Variants in NSD2 observed in about 807,000 individuals in gnomAD.
NSD2 encodes the protein histone-lysine N-methyltransferase NSD2.
Under a neutral mutation model 139.0 loss-of-function variants are expected in NSD2, and 12 were observed. That is an observed-to-expected ratio of 0.09 (90% CI 0.06 to 0.14). The LOEUF is 0.14. Ranked by LOEUF, NSD2 falls within the 10% of genes least tolerant of loss-of-function variation. NSD2 has a pLI of 1.00. For synonymous variants in NSD2, 669 were observed against 648.7 expected, an observed-to-expected ratio of 1.03 and a Z score of -0.48; for missense variants, 1,155 against 1,745.0, an observed-to-expected ratio of 0.66 and a Z score of 6.02.
Position 1,956,299 on chromosome 4 carries a change from A to G in NSD2, c.2881+111A>G. On this transcript the variant is annotated intron_variant, in intron 15 of 21. Coordinates refer to ENST00000508803, the MANE Select transcript of NSD2 (RefSeq NM_001042424.3). The surrounding 1 kb of genome is among the most constrained non-coding windows in gnomAD (Gnocchi z 5.3). ...ATAGAAAATACTGGACTAAGCATTC[A>G]ATCTGTTTTTTTAAATTAGGAAAAT... 3.1e-6 allele frequency: 3 copies of G among 969,092 alleles called. No individual in the cohort carries two copies. The highest frequency in any genetic ancestry group is 4.3e-6 in the Non-Finnish European group (3 of 693,856). The allele number at this position is 969,092 out of a possible 1,614,324, so 60.0% of individuals were successfully genotyped here.
chr4:1,970,564 G>GGGTGGGAGGAGCAGTGGGA (rs1726351455), intron 18 of NSD2, among the ~76,000 whole-genome samples: 1 of 152,156 alleles, frequency 6.6e-6, no homozygotes, highest in South Asian at 2.1e-4. Flanking sequence ...CCCACCAGAA[G>GGGTGGGAGGAGCAGTGGGA]GGGCAGTGGG....
chr4:1,976,426 C>A lies in NSD2; in HGVS notation c.3622-49C>A. ...GCTCGCTCTTCTGCCCTATTTGCTTCAGCCTGTGTAATTCTTTCCGGTGAT... is the reference window on the plus strand; with the variant it reads ...GCTCGCTCTTCTGCCCTATTTGCTTAAGCCTGTGTAATTCTTTCCGGTGAT... On this transcript the variant is annotated intron_variant, in intron 20 of 21. Transcript: ENST00000508803. This position sits in a 1 kb window ranked among gnomAD's most constrained non-coding sequence, Gnocchi z 5.3. The A allele has an allele frequency of 6.3e-7, 1 of 1,584,062 alleles. No homozygotes were observed.
chr4:1,978,559 T>G (rs1401377162), intron 21 of NSD2, 79 bp from the exon 22 acceptor site: 43 of 1,533,776 alleles, frequency 2.8e-5, no homozygotes, highest in Admixed American at 5.5e-5. Context: ...CTGACAGTTG[T>G]AAGTCATCTT....
chr4:1,969,887 T>A (rs561702592), intron 18 of NSD2, among the ~76,000 whole-genome samples: 125 of 152,274 alleles, frequency 8.2e-4, no homozygotes, highest in African/African-American at 2.9e-3. Flanking sequence ...TGGGAACTTG[T>A]AGAACTCAGG....
At chr4:1,889,600 C>A (rs1715376982) in intron 1 of NSD2, among the ~76,000 whole-genome samples, 1 of 151,752 alleles carries the variant, frequency 6.6e-6, no homozygotes, top group Non-Finnish European at 1.5e-5. Flanking sequence ...CTCCTGAGTT[C>A]AAGCGATTCT....
chr4:1,970,386 A>G (rs1182656968), intron 18 of NSD2, among the ~76,000 whole-genome samples: 7 of 152,212 alleles, frequency 4.6e-5, no homozygotes, highest in Non-Finnish European at 1.0e-4. Context: ...ACAGAGATGC[A>G]GGTTGGAGCA....
intron 3 of NSD2, among the ~76,000 whole-genome samples, chr4:1,911,646 A>T (rs565655174): frequency 1.3e-5 from 2 of 149,710 alleles, no homozygotes; most frequent in Non-Finnish European, 3.0e-5. Flanking sequence ...ATAGGAAGGG[A>T]GGATTACTAA....
In NSD2 at chr4:1,942,514, T is replaced by A; in HGVS notation, c.1881+2736T>A. 6.8e-7 allele frequency: 1 copy of A among 1,468,794 alleles called. No homozygotes were observed. The highest frequency in any genetic ancestry group is 9.0e-7 in the Non-Finnish European group (1 of 1,107,712). 91.0% of individuals were successfully genotyped at this position (1,468,794 alleles called of 1,614,324 possible). ...ATGTGTGATAATCTGTTTTTACTGG[T>A]ATTAATAAACACATACAATGAAGAA... On this transcript the variant is annotated intron_variant, in intron 9 of 21. Transcript: ENST00000508803. The surrounding 1 kb of genome is among the most constrained non-coding windows in gnomAD (Gnocchi z 4.0).
At chr4:1,930,811 T>C in intron 6 of NSD2, 41 bp downstream of exon 6, 1 of 1,580,564 alleles carries the variant, frequency 6.3e-7, no homozygotes, top group Non-Finnish European at 8.6e-7. Context: ...CTTGGGTTGA[T>C]GTGTGTAGTG....
chr4:1,948,401 C>T lies in NSD2; in HGVS notation c.1882-2671C>T. The stretch of plus-strand genomic sequence containing the variant: ...CCACAAATGGCTTCTCCGAGTGAGT[C>T]ACGTCACCTGGTGCGTGGAGGTGGA... On this transcript the variant is annotated intron_variant, in intron 9 of 21. Transcript: ENST00000508803. This position sits in a 1 kb window ranked among gnomAD's most constrained non-coding sequence, Gnocchi z 4.5. 2.8e-6 allele frequency: 3 copies of T among 1,066,364 alleles called. No homozygotes were observed. The highest frequency in any genetic ancestry group is 2.3e-6 in the Non-Finnish European group (2 of 879,012). The allele number at this position is 1,066,364 out of a possible 1,614,324, so 66.1% of individuals were successfully genotyped here.
intron 3 of NSD2, among the ~76,000 whole-genome samples, chr4:1,913,760 A>G (rs140638887): frequency 1.3e-3 from 199 of 151,862 alleles, no homozygotes; most frequent in Non-Finnish European, 2.4e-3. Flanking sequence ...ATTCAGGGCC[A>G]CTACCAGTCT....
At chr4:1,913,358 A>G (rs1355365912) in intron 3 of NSD2, among the ~76,000 whole-genome samples, 1 of 152,174 alleles carries the variant, frequency 6.6e-6, no homozygotes, top group Non-Finnish European at 1.5e-5. Context: ...GGAGTTAGAG[A>G]AGACTCTGCT....
At chr4:1,975,043 T>G in intron 19 of NSD2, 39 bp downstream of exon 19, 2 of 1,613,118 alleles carry the variant, frequency 1.2e-6, no homozygotes, top group Non-Finnish European at 1.7e-6. Flanking sequence ...CTCCTGGCTA[T>G]GGGGGCAGAG....
chr4:1,945,955 A>G lies in NSD2; in HGVS notation c.1882-5117A>G, dbSNP rs1169993755. ...CCTTTTAAATTTTTAATTAATTTCA[A>G]AGCTTCCTCTGGCCAGGTAGACTTT... On this transcript the variant is annotated intron_variant, in intron 9 of 21. Transcript: ENST00000508803. 19 of 1,053,008 alleles carry G rather than the reference A, an allele frequency of 1.8e-5. No homozygotes were observed. The East Asian group carries it at 6.5e-4, about 36-fold the overall frequency. 65.2% of individuals were successfully genotyped at this position (1,053,008 alleles called of 1,614,324 possible).
intron 17 of NSD2, 96 bp downstream of exon 17, chr4:1,959,836 G>C: frequency 6.6e-7 from 1 of 1,511,660 alleles, no homozygotes; most frequent in East Asian, 2.3e-5. Context: ...AGTCATGTGA[G>C]AATGGTATTT....
At chr4:1,918,753 A>G in intron 5 of NSD2, 130 bp downstream of exon 5, 2 of 1,275,144 alleles carry the variant, frequency 1.6e-6, no homozygotes, top group Non-Finnish European at 1.1e-6. Context: ...TTTAGATCTA[A>G]TAAATAAGTA....
chr4:1,935,833 C>T (rs1366133993), intron 7 of NSD2, among the ~76,000 whole-genome samples: 24 of 152,066 alleles, frequency 1.6e-4, no homozygotes, highest in Admixed American at 1.6e-3. Context: ...TGCACTCCAG[C>T]CTGGGCGACA....
chr4:1,981,532 G>A lies in NSD2; in HGVS notation c.*2623G>A, dbSNP rs1249807606. On this transcript the variant is annotated 3_prime_UTR_variant, in exon 22 of 22. Transcript: ENST00000508803. ...TCTGCACCTAAACCCATACCCACCC[G>A]TGTGCGCCCACAGGGGGATGTGTCC... is the stretch of plus-strand genomic sequence containing the variant. 1.7e-5 allele frequency: 5 copies of A among 287,736 alleles called. No homozygotes were observed. The highest frequency in any genetic ancestry group is 1.0e-4 in the East Asian group (2 of 19,436). The allele number at this position is 287,736 out of a possible 1,614,324, so 17.8% of individuals were successfully genotyped here. A position where few individuals can be genotyped will look rare whatever the true frequency, so the allele number is the denominator to read the frequency against.
Position 1,978,831 on chromosome 4 carries a change from G to GCC in NSD2, c.4027_4028dup (p.Glu1344GlnfsTer49). The GCC allele has an allele frequency of 1.9e-6, 3 of 1,601,590 alleles. No individual in the cohort carries two copies. The highest frequency in any genetic ancestry group is 8.5e-7 in the Non-Finnish European group (1 of 1,171,638). On this transcript the variant is annotated frameshift_variant, in exon 22 of 22. Transcript: ENST00000508803. LOFTEE classifies it high-confidence loss of function. ...CGGTCAGAAGCACCAAGACTGAGAA[G>GCC]CCCCCCCCAGAGCCAGGGAAGCCGA...
Sources: allele counts gnomAD v4.1 joint callset (sites outside exome capture counted in the v4.1 genomes callset), GRCh38; gene constraint gnomAD v4.1.1; non-coding constraint Gnocchi (gnomAD v3.1); transcripts MANE v1.5; gene names NCBI Gene and HGNC (gene_info 2026-07-23, HGNC 2026-07-21).